The following ZDHHC7 variants were observed in gnomAD, a reference collection of about 807,000 sequenced individuals.
ZDHHC7 encodes palmitoyltransferase ZDHHC7.
A neutral mutation model predicts 34.1 loss-of-function variants in ZDHHC7; 12 were observed. The observed-to-expected ratio is 0.35, with a 90% CI of 0.23 to 0.57. The LOEUF (loss-of-function observed/expected upper bound fraction) is 0.57. Among genes scored for constraint, ZDHHC7 ranks in the 20% least tolerant of loss-of-function variants. The probability of loss-of-function intolerance (pLI) is 0.84; values close to 1 mark genes in which losing one functional copy is unlikely to be tolerated. For missense variants in ZDHHC7, 388 were observed against 402.7 expected (o/e 0.96, Z 0.31); for synonymous variants, 185 against 155.4 (o/e 1.19, Z -1.42).
intron 1 of ZDHHC7, among the ~76,000 whole-genome samples, chr16:84,998,079 CG>C (rs1234576087): frequency 6.7e-6 from 1 of 148,268 alleles, no homozygotes; most frequent in African/African-American, 2.5e-5. Flanking sequence ...GCTACTAACA[CG>C]GTGAAACCCC....
chr16:85,024,310 C>A, the ZDHHC7 span, among the ~76,000 whole-genome samples: 1 of 148,708 alleles, frequency 6.7e-6, no homozygotes, highest in South Asian at 2.1e-4. Context: ...CGGCTCACTG[C>A]AACCTCCGCC....
intron 1 of ZDHHC7, among the ~76,000 whole-genome samples, chr16:85,000,870 T>G (rs1165360762): frequency 1.3e-5 from 2 of 152,140 alleles, no homozygotes; most frequent in Non-Finnish European, 2.9e-5. Flanking sequence ...TTCCCCAAGT[T>G]AGCAGCAAAG....
At chr16:85,024,047 A>G in the ZDHHC7 span, among the ~76,000 whole-genome samples, 1 of 151,902 alleles carries the variant, frequency 6.6e-6, no homozygotes, top group Admixed American at 6.6e-5. Context: ...ATTCCCAAGT[A>G]GCTGAGATTT....
At chr16:84,981,619 G>A (rs556371148) in intron 4 of ZDHHC7, among the ~76,000 whole-genome samples, 6 of 152,316 alleles carry the variant, frequency 3.9e-5, no homozygotes, top group South Asian at 2.1e-4. Context: ...GAGCCACAGC[G>A]AGTCCCTCGG....
the ZDHHC7 span, among the ~76,000 whole-genome samples, chr16:85,017,745 C>T: frequency 6.6e-6 from 1 of 152,136 alleles, no homozygotes; most frequent in Non-Finnish European, 1.5e-5. Context: ...AGGCTCTTGA[C>T]ACTGTCGTGA....
chr16:85,010,818 A>C (rs11865871), intron 1 of ZDHHC7, among the ~76,000 whole-genome samples: 26,771 of 152,252 alleles, frequency 0.18, 2,471 homozygotes, highest in African/African-American at 0.22. Context: ...GCAGGAGGGA[A>C]GATAACTAGG....
chr16:84,988,981 C>A, intron 3 of ZDHHC7: 1 of 1,133,452 alleles, frequency 8.8e-7, no homozygotes, highest in Non-Finnish European at 1.3e-6. Flanking sequence ...CAAGGGGTTT[C>A]TGCTGCAGCC....
At chr16:85,017,102 G>A in the ZDHHC7 span, among the ~76,000 whole-genome samples, 14 of 152,040 alleles carry the variant, frequency 9.2e-5, no homozygotes, top group Non-Finnish European at 1.9e-4. Context: ...CACCGCACCG[G>A]CCAACTTGTT....
chr16:84,983,968 A>C (rs974744335), intron 3 of ZDHHC7, among the ~76,000 whole-genome samples: 2 of 151,010 alleles, frequency 1.3e-5, no homozygotes, highest in African/African-American at 2.4e-5. Flanking sequence ...CTCCAGCAAA[A>C]AAAAAAAAAA....
chr16:85,007,831 G>A (rs1347652661), intron 1 of ZDHHC7, among the ~76,000 whole-genome samples: 1 of 152,066 alleles, frequency 6.6e-6, no homozygotes, highest in Admixed American at 6.5e-5. Flanking sequence ...AAAGAAGTAG[G>A]ATATGTAGTA....
At chr16:85,021,569 A>T in the ZDHHC7 span, among the ~76,000 whole-genome samples, 1 of 151,560 alleles carries the variant, frequency 6.6e-6, no homozygotes, top group Non-Finnish European at 1.5e-5. Context: ...ATACAAAAAA[A>T]TAGCTGGGCA....
At chr16:84,997,690 C>T (rs1389729330) in intron 1 of ZDHHC7, among the ~76,000 whole-genome samples, 6 of 150,106 alleles carry the variant, frequency 4.0e-5, no homozygotes, top group Admixed American at 6.6e-5. Flanking sequence ...GTCAGGAGAT[C>T]GAGACCATCC....
upstream of ZDHHC7, among the ~76,000 whole-genome samples, chr16:85,012,300 C>A (rs1325692946): frequency 1.3e-5 from 2 of 149,694 alleles, no homozygotes; most frequent in Non-Finnish European, 3.0e-5. Flanking sequence ...GCAGGAGAAT[C>A]ATGAACCCAG....
In ZDHHC7 at chr16:84,990,622, T is replaced by C. The variant is rs748293346; in HGVS notation, c.-4A>G. Reference sequence around the variant, plus strand: ...GCCTGTGTCCTGATGGCTGCATGATTTCCCTGACGCACCCTGGGGAGGGGG... The same window carrying C: ...GCCTGTGTCCTGATGGCTGCATGATCTCCCTGACGCACCCTGGGGAGGGGG... On this transcript the variant is annotated 5_prime_UTR_variant, in exon 3 of 8. Coordinates refer to ENST00000313732, the MANE Select transcript of ZDHHC7 (RefSeq NM_017740.3). The C allele has an allele frequency of 6.2e-7, 1 of 1,612,116 alleles. No homozygotes were observed.
chr16:85,018,451 C>CT, the ZDHHC7 span, among the ~76,000 whole-genome samples: 571 of 143,214 alleles, frequency 4.0e-3, no homozygotes, highest in Non-Finnish European at 6.4e-3. Flanking sequence ...TATTTGTATT[C>CT]TTTTTTTTTT....
At chr16:85,019,295 C>A in the ZDHHC7 span, among the ~76,000 whole-genome samples, 1 of 150,720 alleles carries the variant, frequency 6.6e-6, no homozygotes, top group African/African-American at 2.4e-5. Context: ...ATGCAAGCCT[C>A]ACAAAAGGCA....
At chr16:85,006,676 G>A (rs769355111) in intron 1 of ZDHHC7, among the ~76,000 whole-genome samples, 5 of 152,168 alleles carry the variant, frequency 3.3e-5, no homozygotes, top group Non-Finnish European at 5.9e-5. Flanking sequence ...GGAGGTTGAG[G>A]CTGCAGTAAG....
intron 1 of ZDHHC7, among the ~76,000 whole-genome samples, chr16:85,002,141 A>T (rs960027121): frequency 6.6e-6 from 1 of 152,166 alleles, no homozygotes; most frequent in African/African-American, 2.4e-5. Context: ...ACGAGTCCAG[A>T]CTGATATAAA....
chr16:84,977,646 T>C (rs928171805), intron 6 of ZDHHC7, among the ~76,000 whole-genome samples: 7 of 152,206 alleles, frequency 4.6e-5, no homozygotes, highest in Non-Finnish European at 7.3e-5. Flanking sequence ...CTATTTTCAC[T>C]ACACTTGCTT....
Sources: allele counts gnomAD v4.1 joint callset (sites outside exome capture counted in the v4.1 genomes callset), GRCh38; gene constraint gnomAD v4.1.1; transcripts MANE v1.5; gene names NCBI Gene and HGNC (gene_info 2026-07-23, HGNC 2026-07-21).